The following DNAJC15 variants were observed in gnomAD, a reference collection of about 807,000 sequenced individuals.
The protein encoded by DNAJC15 is DnaJ heat shock protein family (Hsp40) member C15.
In DNAJC15, 27 loss-of-function variants were observed where a neutral mutation model predicts 22.4. The ratio of observed to expected loss-of-function variants is 1.20; its 90% CI spans 0.89 to 1.66. The LOEUF is 1.66. DNAJC15 is among the 40% of genes most tolerant of loss of function. The pLI is 0.00. For synonymous variants in DNAJC15, 79 were observed against 63.2 expected, an observed-to-expected ratio of 1.25 and a Z score of -1.19; for missense variants, 208 against 187.1, an observed-to-expected ratio of 1.11 and a Z score of -0.65.
At chr13:43,031,695 A>G (rs570041879) in intron 1 of DNAJC15, among the ~76,000 whole-genome samples, 1 of 152,346 alleles carries the variant, frequency 6.6e-6, no homozygotes, top group South Asian at 2.1e-4. Context: ...CTCTACTTGT[A>G]GATGAATAAA....
chr13:43,060,059 A>G (rs1365994154), intron 1 of DNAJC15, among the ~76,000 whole-genome samples: 1 of 152,234 alleles, frequency 6.6e-6, no homozygotes, highest in East Asian at 1.9e-4. Context: ...CGTGCAGGTC[A>G]CAAGGGATAT....
chr13:43,037,009 C>G (rs1363221163), intron 1 of DNAJC15, among the ~76,000 whole-genome samples: 1 of 152,176 alleles, frequency 6.6e-6, no homozygotes, highest in South Asian at 2.1e-4. Flanking sequence ...TGCAGCTGCT[C>G]CTGGGAGCAC....
intron 1 of DNAJC15, among the ~76,000 whole-genome samples, chr13:43,032,995 A>T (rs528804530): frequency 4.7e-4 from 72 of 152,316 alleles, no homozygotes; most frequent in African/African-American, 1.4e-3. Context: ...CCACCACTTC[A>T]CATGGCCAGA....
intron 1 of DNAJC15, among the ~76,000 whole-genome samples, chr13:43,048,938 T>A (rs958940123): frequency 1.3e-5 from 2 of 152,098 alleles, no homozygotes; most frequent in African/African-American, 4.8e-5. Context: ...AACTAAAACT[T>A]GCCCAAGGCA....
chr13:43,072,356 T>C (rs895484103), intron 3 of DNAJC15, among the ~76,000 whole-genome samples: 1 of 152,186 alleles, frequency 6.6e-6, no homozygotes, highest in Non-Finnish European at 1.5e-5. Context: ...GTCTCTCTTT[T>C]CTGCTTCTGG....
At chr13:43,042,865 A>G (rs2040460193) in intron 1 of DNAJC15, among the ~76,000 whole-genome samples, 1 of 152,224 alleles carries the variant, frequency 6.6e-6, no homozygotes, top group African/African-American at 2.4e-5. Flanking sequence ...GGCAACCCCA[A>G]AATCAGTGTT....
chr13:43,087,558 C>A (rs2040695341), intron 5 of DNAJC15, among the ~76,000 whole-genome samples: 1 of 152,118 alleles, frequency 6.6e-6, no homozygotes, highest in Non-Finnish European at 1.5e-5. Context: ...AATTTTGTTT[C>A]TTCTTCTTGG....
chr13:43,029,590 T>C (rs970544002), intron 1 of DNAJC15, among the ~76,000 whole-genome samples: 6 of 152,076 alleles, frequency 3.9e-5, no homozygotes, highest in African/African-American at 1.4e-4. Flanking sequence ...TTCCCAGTTT[T>C]CAGAAATTTT....
At chr13:43,080,345 A>G (rs1409799266) in intron 4 of DNAJC15, among the ~76,000 whole-genome samples, 1 of 152,196 alleles carries the variant, frequency 6.6e-6, no homozygotes, top group Non-Finnish European at 1.5e-5. Flanking sequence ...TTTGCTGAGG[A>G]TAATGGCTTC....
Position 43,113,306 on chromosome 13 carries a change from G to A in DNAJC15, c.*6058G>A, listed in dbSNP as rs2040833067. 6.6e-6 allele frequency: 1 copy of A among 152,194 alleles called. No homozygotes were observed. The highest frequency in any genetic ancestry group is 2.4e-5 in the African/African-American group (1 of 41,446). The allele number at this position is 152,194 out of a possible 1,614,324, so 9.4% of individuals were successfully genotyped here. A position where few individuals can be genotyped will look rare whatever the true frequency, so the allele number is the denominator to read the frequency against. On this transcript the variant is annotated 3_prime_UTR_variant, in exon 6 of 6. Coordinates refer to ENST00000379221, the MANE Select transcript of DNAJC15 (RefSeq NM_013238.3). Reference sequence around the variant, plus strand: ...GAGGTAACTTGCAGCAATTGAAAGGGAATTTCAGTACTTTTATAGAATTCT... The same window carrying A: ...GAGGTAACTTGCAGCAATTGAAAGGAAATTTCAGTACTTTTATAGAATTCT...
intron 1 of DNAJC15, among the ~76,000 whole-genome samples, chr13:43,042,200 A>T (rs2040457377): frequency 6.6e-6 from 1 of 152,212 alleles, no homozygotes; most frequent in Non-Finnish European, 1.5e-5. Context: ...CTATATATAC[A>T]TAATTATGAT....
At chr13:43,046,574 A>G (rs553907834) in intron 1 of DNAJC15, among the ~76,000 whole-genome samples, 3 of 152,306 alleles carry the variant, frequency 2.0e-5, no homozygotes, top group South Asian at 4.1e-4. Context: ...GGAGGTAAAG[A>G]AATAGTCAAA....
chr13:43,051,268 G>C (rs1392989119), intron 1 of DNAJC15, among the ~76,000 whole-genome samples: 2 of 152,176 alleles, frequency 1.3e-5, no homozygotes, highest in Non-Finnish European at 2.9e-5. Context: ...GTGAGCCACT[G>C]TGCCCAGCTA....
Position 43,078,596 on chromosome 13 carries a change from T to G in DNAJC15, c.235-16T>G. ...ACGTGGAACTAATGATTTCTTGCTC[T>G]TTCTTTCCTATACAGAGCTTTTCAT... On this transcript the variant is annotated splice_polypyrimidine_tract_variant and intron_variant, in intron 3 of 5. Coordinates refer to ENST00000379221, the MANE Select transcript of DNAJC15 (RefSeq NM_013238.3). 6.2e-7 allele frequency: 1 copy of G among 1,608,602 alleles called. No individual in the cohort carries two copies. The highest frequency in any genetic ancestry group is 8.5e-7 in the Non-Finnish European group (1 of 1,176,244).
chr13:43,041,486 T>G (rs570619907), intron 1 of DNAJC15, among the ~76,000 whole-genome samples: 1 of 152,196 alleles, frequency 6.6e-6, no homozygotes, highest in Admixed American at 6.5e-5. Flanking sequence ...AGTAACAATC[T>G]GATCTCTCTT....
intron 5 of DNAJC15, among the ~76,000 whole-genome samples, chr13:43,103,608 A>T (rs1019639687): frequency 3.3e-5 from 5 of 152,336 alleles, no homozygotes; most frequent in Admixed American, 6.5e-5. Flanking sequence ...TTAAAAGAAG[A>T]TATGTTCTGC....
At chr13:43,068,846 T>C (rs1275019615) in intron 2 of DNAJC15, 84 bp from the exon 3 acceptor site, 6 of 1,115,134 alleles carry the variant, frequency 5.4e-6, no homozygotes, top group Non-Finnish European at 7.7e-6. Flanking sequence ...AAACTATCAA[T>C]AAATACTGTT....
intron 4 of DNAJC15, among the ~76,000 whole-genome samples, chr13:43,082,992 G>T (rs2040670071): frequency 6.6e-6 from 1 of 151,668 alleles, no homozygotes. Context: ...TTATGAAATA[G>T]GTTTTTAAAG....
chr13:43,048,498 TAAACAAA>T (rs1351280744), intron 1 of DNAJC15, among the ~76,000 whole-genome samples: 1 of 152,148 alleles, frequency 6.6e-6, no homozygotes, highest in Non-Finnish European at 1.5e-5. Context: ...GTCTCAAAAA[TAAACAAA>T]AAACAAAAAG....
Sources: gnomAD v4.1 joint callset for allele counts (sites outside exome capture counted in the v4.1 genomes callset) on GRCh38, gnomAD v4.1.1 for gene constraint, MANE v1.5 for transcripts, NCBI Gene and HGNC (gene_info 2026-07-23, HGNC 2026-07-21) for gene names.